Variants in GNPAT observed in about 807,000 individuals in gnomAD.
The protein encoded by GNPAT is dihydroxyacetone phosphate acyltransferase.
A neutral mutation model predicts 78.4 loss-of-function variants in GNPAT; 30 were observed. The observed-to-expected ratio is 0.38, with a 90% CI of 0.29 to 0.52. The LOEUF (loss-of-function observed/expected upper bound fraction) is 0.52. Among genes scored for constraint, GNPAT ranks in the 20% least tolerant of loss-of-function variants. The probability of loss-of-function intolerance (pLI) is 0.84; values close to 1 mark genes in which losing one functional copy is unlikely to be tolerated. For missense variants in GNPAT, 714 were observed against 812.2 expected (o/e 0.88, Z 1.47); for synonymous variants, 271 against 281.1 (o/e 0.96, Z 0.36).
At chr1:231,244,923 A>G (rs1553334074) in intron 1 of GNPAT, among the ~76,000 whole-genome samples, 1 of 152,168 alleles carries the variant, frequency 6.6e-6, no homozygotes, top group Non-Finnish European at 1.5e-5. Context: ...GTCCCACAAG[A>G]CTGTACATGA....
intron 7 of GNPAT, 38 bp from the exon 8 acceptor site, chr1:231,266,239 C>G: frequency 6.2e-7 from 1 of 1,613,690 alleles, no homozygotes; most frequent in Non-Finnish European, 8.5e-7. Context: ...AAATTTACTG[C>G]TTTTCGTTTT....
intron 1 of GNPAT, among the ~76,000 whole-genome samples, chr1:231,243,230 A>G (rs1365687780): frequency 1.3e-5 from 2 of 152,250 alleles, no homozygotes; most frequent in Non-Finnish European, 2.9e-5. Flanking sequence ...GTGTTGTGGG[A>G]GAGACAAGAA....
intron 1 of GNPAT, among the ~76,000 whole-genome samples, chr1:231,242,843 A>G (rs1316134983): frequency 6.6e-6 from 1 of 152,210 alleles, no homozygotes; most frequent in Admixed American, 6.5e-5. Context: ...TGGCAGTTGT[A>G]TCTGAGCATT....
In GNPAT at chr1:231,275,338, G is replaced by A; in HGVS notation, c.1843+18G>A. 6.3e-7 allele frequency: 1 copy of A among 1,586,214 alleles called. No individual in the cohort carries two copies. The highest frequency in any genetic ancestry group is 8.7e-7 in the Non-Finnish European group (1 of 1,154,494). On this transcript the variant is annotated intron_variant, in intron 13 of 15. Transcript: ENST00000366647. Reference sequence around the variant, plus strand: ...CGATCAAGGTCAGTCACTGCTCTGTGGGTGCTGATTTCTTTTAGTTGAGAA... The same window carrying A: ...CGATCAAGGTCAGTCACTGCTCTGTAGGTGCTGATTTCTTTTAGTTGAGAA...
Position 231,277,489 on chromosome 1 carries a change from T to G in GNPAT, c.2000-10T>G. 6.4e-7 allele frequency: 1 copy of G among 1,565,844 alleles called. No homozygotes were observed. Among genetic ancestry groups the G allele is most frequent in the Admixed American group, 1.7e-5 (1 of 59,950 alleles). ...TCATTTCATGAGCTGCTTCTCTTTT[T>G]TCATCTTAGGTTGTAAGACACCAAT... On this transcript the variant is annotated splice_polypyrimidine_tract_variant and intron_variant, in intron 15 of 15. Coordinates refer to ENST00000366647, the MANE Select transcript of GNPAT (RefSeq NM_014236.4).
chr1:231,265,119 G>A (rs769320421), intron 4 of GNPAT, among the ~76,000 whole-genome samples, 174 bp from the exon 5 acceptor site: 10 of 152,178 alleles, frequency 6.6e-5, no homozygotes, highest in Non-Finnish European at 1.3e-4. Flanking sequence ...TTGGGAGGCC[G>A]AGGCAGGAGG....
At position 231,273,931 on chromosome 1, in the gene GNPAT, G is replaced by A. The variant is rs768412225; in HGVS notation, c.1612G>A (p.Glu538Lys). 1 of 1,613,260 alleles carries A rather than the reference G, an allele frequency of 6.2e-7. No homozygotes were observed. Among genetic ancestry groups the A allele is most frequent in the Non-Finnish European group, 8.5e-7 (1 of 1,179,252 alleles). ...TCCTCTTCCCTTCTAGGACTTTGAA[G>A]AAGGCTGTTACCTGCTTTGTAAAAG... ...LPGNTLKDFE[E>K]GCYLLCKSEA... is the part of the protein sequence containing the mutation. Residue 538 changes from glutamate to lysine, a missense_variant, in exon 12 of 16, where the codon GAA (glutamate) becomes AAA (lysine). By Grantham distance (56) the Glu-to-Lys change is moderately conservative. Coordinates refer to ENST00000366647, the MANE Select transcript of GNPAT (RefSeq NM_014236.4).
At position 231,241,400 on chromosome 1, in the gene GNPAT, A is replaced by G. The variant is rs756641192; in HGVS notation, c.22A>G (p.Asn8Asp). MESSSSS[N>D]SYFSVGPTSP... ...CACCATGGAGTCTTCCAGTTCATCT[A>G]ACTCTTATTTCTCCGTTGGCCCAAC... The change falls in exon 1 of 16, where the codon AAC becomes GAC. Residue 8 changes from asparagine (N) to aspartate (D), a missense_variant. Physicochemically the swap from Asn to Asp is conservative, Grantham distance 23. Coordinates refer to ENST00000366647, the MANE Select transcript of GNPAT (RefSeq NM_014236.4). The G allele has an allele frequency of 2.5e-5, 40 of 1,613,664 alleles. No individual in the cohort carries two copies. Among genetic ancestry groups the G allele is most frequent in the Non-Finnish European group, 3.3e-5 (39 of 1,179,678 alleles).
intron 3 of GNPAT, 88 bp downstream of exon 3, chr1:231,260,771 C>CA: frequency 1.1e-6 from 1 of 923,086 alleles, no homozygotes; most frequent in Admixed American, 2.0e-5. Context: ...TTCAACCCCT[C>CA]ACAATTTAAT....
At chr1:231,252,307 GAGTC>G (rs1454679178) in intron 2 of GNPAT, among the ~76,000 whole-genome samples, 1 of 152,190 alleles carries the variant, frequency 6.6e-6, no homozygotes, top group Admixed American at 6.5e-5. Context: ...GGAAAAGAAA[GAGTC>G]AGGGATGATA....
At chr1:231,264,203 T>C (rs144261417) in intron 4 of GNPAT, among the ~76,000 whole-genome samples, 116 of 152,332 alleles carry the variant, frequency 7.6e-4, no homozygotes, top group African/African-American at 2.4e-3. Context: ...CCCTTATGTT[T>C]TATCCTAAGA....
intron 1 of GNPAT, among the ~76,000 whole-genome samples, chr1:231,247,970 A>G (rs989620290): frequency 1.3e-5 from 2 of 152,192 alleles, no homozygotes; most frequent in Admixed American, 6.5e-5. Context: ...GTATTTGGCA[A>G]GCTTTTTCAA....
chr1:231,264,942 C>G (rs1033083211), intron 4 of GNPAT, among the ~76,000 whole-genome samples: 4 of 152,226 alleles, frequency 2.6e-5, no homozygotes, highest in Admixed American at 6.5e-5. Flanking sequence ...CAGTGAGCAC[C>G]TGGCCCACAG....
intron 2 of GNPAT, 53 bp from the exon 3 acceptor site, chr1:231,260,454 G>T: frequency 7.9e-7 from 1 of 1,267,192 alleles, no homozygotes; most frequent in South Asian, 1.2e-5. Context: ...AAAGCTTTCT[G>T]ACTTTTCTGT....
chr1:231,275,213 A>T lies in GNPAT; in HGVS notation c.1744-8A>T. On this transcript the variant is annotated splice_region_variant and splice_polypyrimidine_tract_variant and intron_variant, in intron 12 of 15. Coordinates refer to ENST00000366647, the MANE Select transcript of GNPAT (RefSeq NM_014236.4). The stretch of plus-strand genomic sequence containing the variant: ...TTCTGTTCCCCTCATCCTTCCTCTT[A>T]AAATCAGATAATTTGCAAGTACCTT... The T allele has an allele frequency of 6.5e-7, 1 of 1,539,226 alleles. No homozygotes were observed. The highest frequency in any genetic ancestry group is 9.0e-7 in the Non-Finnish European group (1 of 1,111,484).
intron 10 of GNPAT, among the ~76,000 whole-genome samples, chr1:231,272,086 C>T (rs564926552): frequency 1.3e-5 from 2 of 152,188 alleles, no homozygotes; most frequent in South Asian, 2.1e-4. Flanking sequence ...GGTGACAGAG[C>T]GAGACTCCAT....
chr1:231,268,741 A>G (rs540966487), intron 9 of GNPAT, among the ~76,000 whole-genome samples: 6 of 151,522 alleles, frequency 4.0e-5, no homozygotes, highest in African/African-American at 1.2e-4. Context: ...CTCCGTCTCT[A>G]CTAAAAACAC....
At chr1:231,276,055 T>C (rs1685705939) in intron 14 of GNPAT, 80 bp from the exon 15 acceptor site, 1 of 727,240 alleles carries the variant, frequency 1.4e-6, no homozygotes, top group African/African-American at 1.8e-5. Flanking sequence ...AGTCTTACAA[T>C]AGCTACGTCA....
chr1:231,264,981 G>A (rs927152962), intron 4 of GNPAT, among the ~76,000 whole-genome samples: 10 of 152,156 alleles, frequency 6.6e-5, no homozygotes, highest in African/African-American at 2.4e-4. Context: ...ATTCTATTAG[G>A]TATCTCTTAT....
Sources: allele counts gnomAD v4.1 joint callset (sites outside exome capture counted in the v4.1 genomes callset), GRCh38; gene constraint gnomAD v4.1.1; transcripts MANE v1.5; gene names NCBI Gene and HGNC (gene_info 2026-07-23, HGNC 2026-07-21).